CACNA2D3: variants seen among roughly 807,000 people sequenced by gnomAD.
The protein encoded by CACNA2D3 is voltage-dependent calcium channel subunit alpha-2/delta-3.
In CACNA2D3, 60 loss-of-function variants were observed where a neutral mutation model predicts 160.6. The ratio of observed to expected loss-of-function variants is 0.37; its 90% CI spans 0.30 to 0.46. CACNA2D3 has a LOEUF of 0.46. Ranked by LOEUF, CACNA2D3 falls within the 20% of genes least tolerant of loss-of-function variation. The pLI is 1.00. For synonymous variants in CACNA2D3, 558 were observed against 492.9 expected, an observed-to-expected ratio of 1.13 and a Z score of -1.75; for missense variants, 1,205 against 1,365.0, an observed-to-expected ratio of 0.88 and a Z score of 1.85.
chr3:54,565,361 G>A (rs11714911), intron 6 of CACNA2D3, among the ~76,000 whole-genome samples: 1,823 of 152,294 alleles, frequency 0.012, 18 homozygotes, highest in South Asian at 0.029. Flanking sequence ...AACTCCTGGC[G>A]TGAGAGGAAA....
intron 2 of CACNA2D3, among the ~76,000 whole-genome samples, chr3:54,300,548 A>G (rs1023407839): frequency 3.8e-4 from 58 of 152,186 alleles, no homozygotes; most frequent in African/African-American, 1.4e-3. Context: ...TCCATTGTTC[A>G]TCTTCATTCA....
intron 17 of CACNA2D3, among the ~76,000 whole-genome samples, chr3:54,850,352 C>T (rs1391048024): frequency 1.6e-4 from 24 of 152,186 alleles, no homozygotes; most frequent in Admixed American, 1.6e-3. Flanking sequence ...ATTAAATGCT[C>T]TTGATCTTGA....
intron 4 of CACNA2D3, among the ~76,000 whole-genome samples, chr3:54,437,333 C>T (rs1026379859): frequency 6.6e-6 from 1 of 152,232 alleles, no homozygotes; most frequent in Non-Finnish European, 1.5e-5. Context: ...TAAGCCATTA[C>T]AGGCAATGCA....
intron 17 of CACNA2D3, among the ~76,000 whole-genome samples, chr3:54,862,438 T>C (rs1182897807): frequency 1.3e-5 from 2 of 152,066 alleles, no homozygotes; most frequent in African/African-American, 4.8e-5. Context: ...AGGCTCAGCA[T>C]TCTGACGTTG....
chr3:54,838,455 C>A, intron 15 of CACNA2D3, 113 bp from the exon 16 acceptor site: 3 of 813,616 alleles, frequency 3.7e-6, no homozygotes, highest in South Asian at 1.4e-5. Flanking sequence ...AATCCTCAAT[C>A]TGTATCAGTT....
At chr3:54,806,460 C>A (rs546649066) in intron 13 of CACNA2D3, among the ~76,000 whole-genome samples, 1 of 152,194 alleles carries the variant, frequency 6.6e-6, no homozygotes, top group Admixed American at 6.5e-5. Flanking sequence ...ACAATTGCTT[C>A]AAAGAGAATA....
rs146203386 is a variant in CACNA2D3, at chr3:54,920,938, G to A, written c.2449+21070G>A. Reference sequence around the variant, plus strand: ...GGACCCAGAGCCAAGGAAATACCCAGACTGGAGCCTGGGACATAGCTGGAA... The same window carrying A: ...GGACCCAGAGCCAAGGAAATACCCAAACTGGAGCCTGGGACATAGCTGGAA... On this transcript the variant is annotated intron_variant, in intron 27 of 37. Coordinates refer to ENST00000474759, the MANE Select transcript of CACNA2D3 (RefSeq NM_018398.3). 2.8e-3 allele frequency among the ~76,000 whole-genome samples: 422 copies of A among 152,318 alleles called. 1 individual carries two copies. Among genetic ancestry groups the A allele is most frequent in the African/African-American group, 9.4e-3 (392 of 41,566 alleles).
intron 11 of CACNA2D3, among the ~76,000 whole-genome samples, chr3:54,736,292 A>G (rs896018533): frequency 6.6e-6 from 1 of 151,472 alleles, no homozygotes; most frequent in Non-Finnish European, 1.5e-5. Context: ...ATGAAAGTTC[A>G]TGATTAAATG....
intron 2 of CACNA2D3, among the ~76,000 whole-genome samples, chr3:54,215,156 G>T (rs115876358): frequency 5.1e-4 from 77 of 152,182 alleles, no homozygotes; most frequent in African/African-American, 1.9e-3. Flanking sequence ...GAAAAGTTCT[G>T]TCCCCATTTT....
In CACNA2D3 at chr3:54,918,998, T is replaced by G. The variant is rs1180143331; in HGVS notation, c.2449+19130T>G. On this transcript the variant is annotated intron_variant, in intron 27 of 37. Transcript: ENST00000474759. ...GCAGATGGAATTTATGAAGTACCTT[T>G]TTTTTTTTTAAATCCTGGAGTCAAA... The G allele has an allele frequency of 6.9e-6, 4 of 583,244 alleles. No individual in the cohort carries two copies. The African/African-American group carries it at 1.5e-4, about 21-fold the overall frequency. 36.1% of individuals were successfully genotyped at this position (583,244 alleles called of 1,614,324 possible).
chr3:54,885,424 A>G lies in CACNA2D3; in HGVS notation c.1959-65A>G, dbSNP rs926234784. 6.1e-5 allele frequency: 97 copies of G among 1,598,186 alleles called. No individual in the cohort carries two copies. The Middle Eastern group carries it at 1.3e-3, about 22-fold the overall frequency. ...CCCTTGCCCAGTTTTCCTGATTCCA[A>G]GGCAAAGGAAGCAGATGCTGTAAAT... is the stretch of plus-strand genomic sequence containing the variant. On this transcript the variant is annotated intron_variant, in intron 22 of 37. Coordinates refer to ENST00000474759, the MANE Select transcript of CACNA2D3 (RefSeq NM_018398.3).
intron 4 of CACNA2D3, among the ~76,000 whole-genome samples, chr3:54,463,738 A>G (rs1348798158): frequency 2.6e-5 from 4 of 152,252 alleles, no homozygotes; most frequent in Middle Eastern, 3.4e-3. Flanking sequence ...AGCTCGGAGT[A>G]GTTTGATCGT....
intron 4 of CACNA2D3, among the ~76,000 whole-genome samples, chr3:54,470,350 G>A (rs1575474598): frequency 6.6e-6 from 1 of 152,292 alleles, no homozygotes; most frequent in South Asian, 2.1e-4. Context: ...AAGTGAAGGA[G>A]AAATAAAATC....
intron 4 of CACNA2D3, among the ~76,000 whole-genome samples, chr3:54,500,496 CCTTCCTAT>C (rs1171055586): frequency 5.9e-5 from 8 of 135,330 alleles, no homozygotes; most frequent in Non-Finnish European, 8.0e-5. Context: ...TATCTTCCTT[CCTTCCTAT>C]CTTCCTTCCT....
chr3:54,401,287 G>A (rs1699459052), intron 4 of CACNA2D3, among the ~76,000 whole-genome samples: 1 of 152,168 alleles, frequency 6.6e-6, no homozygotes, highest in Non-Finnish European at 1.5e-5. Flanking sequence ...TAGGAGAATT[G>A]CAGAAGGATA....
intron 9 of CACNA2D3, among the ~76,000 whole-genome samples, chr3:54,607,366 G>C (rs950415386): frequency 2.6e-5 from 4 of 152,184 alleles, no homozygotes; most frequent in Admixed American, 6.5e-5. Context: ...CTGTCACCCA[G>C]GCTAGAGTGC....
intron 4 of CACNA2D3, among the ~76,000 whole-genome samples, chr3:54,462,197 G>C (rs1332461727): frequency 3.3e-5 from 5 of 152,106 alleles, no homozygotes; most frequent in Non-Finnish European, 5.9e-5. Context: ...TTACTTCCCA[G>C]TATGTGGTCC....
intron 5 of CACNA2D3, among the ~76,000 whole-genome samples, chr3:54,516,667 G>A (rs935753082): frequency 6.6e-6 from 1 of 152,190 alleles, no homozygotes. Context: ...TTGCCCACTA[G>A]TGCTTTGAAG....
chr3:54,871,821 A>G (rs948961078), intron 18 of CACNA2D3, among the ~76,000 whole-genome samples, 199 bp downstream of exon 18: 1 of 152,198 alleles, frequency 6.6e-6, no homozygotes, highest in African/African-American at 2.4e-5. Context: ...AGTTGCAGAC[A>G]GGCCAGCCAC....
Sources: gnomAD v4.1 joint callset for allele counts (sites outside exome capture counted in the v4.1 genomes callset) on GRCh38, gnomAD v4.1.1 for gene constraint, MANE v1.5 for transcripts, NCBI Gene and HGNC (gene_info 2026-07-23, HGNC 2026-07-21) for gene names.